RFWD3: variants seen among roughly 807,000 people sequenced by gnomAD.
RFWD3 encodes ring finger and WD repeat domain 3, also known as E3 ubiquitin-protein ligase RFWD3.
Under a neutral mutation model 87.7 loss-of-function variants are expected in RFWD3, and 65 were observed. The observed-to-expected ratio is 0.74, with a 90% CI of 0.61 to 0.91. The LOEUF (loss-of-function observed/expected upper bound fraction) is 0.91. RFWD3 is among the 40% of genes least tolerant of loss of function. RFWD3 has a pLI of 0.00. For missense variants in RFWD3, 1,078 were observed against 938.5 expected (o/e 1.15, Z -1.94); for synonymous variants, 433 against 352.8 (o/e 1.23, Z -2.55).
At chr16:74,637,037 T>G (rs1959214191) in intron 7 of RFWD3, among the ~76,000 whole-genome samples, 1 of 149,964 alleles carries the variant, frequency 6.7e-6, no homozygotes, top group Non-Finnish European at 1.5e-5. Context: ...TTTACAGTAT[T>G]TCAACAAGCA....
intron 2 of RFWD3, among the ~76,000 whole-genome samples, chr16:74,653,640 C>A (rs1960741615): frequency 6.6e-6 from 1 of 152,070 alleles, no homozygotes; most frequent in Non-Finnish European, 1.5e-5. Flanking sequence ...AAGTAAGACA[C>A]CATCTCTATT....
intron 8 of RFWD3, among the ~76,000 whole-genome samples, chr16:74,633,512 G>A (rs1275125425): frequency 6.6e-6 from 1 of 151,950 alleles, no homozygotes; most frequent in Middle Eastern, 3.2e-3. Context: ...CCAAAAAATG[G>A]TAACACTATA....
chr16:74,644,949 T>C (rs186991361), intron 4 of RFWD3, among the ~76,000 whole-genome samples: 1 of 152,318 alleles, frequency 6.6e-6, no homozygotes, highest in East Asian at 1.9e-4. Context: ...TTAAATCTTA[T>C]AAAATTCTTG....
intron 1 of RFWD3, 47 bp from the exon 2 acceptor site, chr16:74,661,498 A>C: frequency 7.0e-7 from 1 of 1,430,208 alleles, no homozygotes; most frequent in Non-Finnish European, 9.5e-7. Flanking sequence ...TAGATAAAAC[A>C]TGCTATGTAG....
chr16:74,653,269 A>G (rs1419700996), intron 2 of RFWD3, among the ~76,000 whole-genome samples: 1 of 151,956 alleles, frequency 6.6e-6, no homozygotes, highest in Non-Finnish European at 1.5e-5. Flanking sequence ...AGCCTGGGAG[A>G]TTGAGGCTGC....
intron 3 of RFWD3, 46 bp from the exon 4 acceptor site, chr16:74,649,248 T>G (rs769526949): frequency 1.4e-6 from 2 of 1,381,720 alleles, no homozygotes; most frequent in Non-Finnish European, 2.0e-6. Context: ...AAATACAAAA[T>G]AAGATATGTC....
Position 74,637,870 on chromosome 16 carries a change from G to C in RFWD3, c.1180C>G (p.Gln394Glu). ...GACAAACGTACCTGAACACGCCTTT[G>C]AAGCCTAGTGCACTTATCAGTGAGG... ...QVLTDKCTRL[Q>E]RRVQDLQKLT... Residue 394 changes from glutamine (Q) to glutamate (E), a missense_variant, in exon 7 of 13, where the codon CAA becomes GAA. Physicochemically the swap from Gln to Glu is conservative, Grantham distance 29 (BLOSUM62 2). Transcript: ENST00000361070. 1.9e-6 allele frequency: 3 copies of C among 1,612,358 alleles called. No homozygotes were observed. The highest frequency in any genetic ancestry group is 2.5e-6 in the Non-Finnish European group (3 of 1,179,370).
At position 74,632,580 on chromosome 16, in the gene RFWD3, CTGCT is replaced by C; in HGVS notation, c.1516_1519del (p.Ser506ValfsTer12). 1 of 1,614,140 alleles carries C rather than the reference CTGCT, an allele frequency of 6.2e-7. No homozygotes were observed. The highest frequency in any genetic ancestry group is 8.5e-7 in the Non-Finnish European group (1 of 1,180,008). On this transcript the variant is annotated frameshift_variant, in exon 9 of 13. Coordinates refer to ENST00000361070, the MANE Select transcript of RFWD3 (RefSeq NM_018124.4). LOFTEE classifies it high-confidence loss of function. ...AGAGAGTAGCAAGCCTCTGAGGTAA[CTGCT>C]AAACGCCAGTCCACGGATCTGTTTG...
At chr16:74,656,157 G>C (rs910323603) in intron 2 of RFWD3, among the ~76,000 whole-genome samples, 2 of 151,850 alleles carry the variant, frequency 1.3e-5, no homozygotes, top group Non-Finnish European at 2.9e-5. Flanking sequence ...AATTAGCTGG[G>C]TGTGGCGGCT....
intron 10 of RFWD3, 81 bp downstream of exon 10, chr16:74,630,700 C>A: frequency 3.2e-6 from 4 of 1,233,600 alleles, no homozygotes; most frequent in African/African-American, 1.6e-5. Flanking sequence ...AACTGTGGAA[C>A]ACCCACTGAA....
Position 74,623,618 on chromosome 16 carries a change from T to C in RFWD3, c.*310A>G. Reference sequence around the variant, plus strand: ...GATGATGAGAGGACACTCTCTAAGGTCCAGAAAGTCACACAGAAAATAAAG... The same window carrying C: ...GATGATGAGAGGACACTCTCTAAGGCCCAGAAAGTCACACAGAAAATAAAG... On this transcript the variant is annotated 3_prime_UTR_variant, in exon 13 of 13. Transcript: ENST00000361070. 4.1e-6 allele frequency: 1 copy of C among 243,008 alleles called. No individual in the cohort carries two copies. The highest frequency in any genetic ancestry group is 8.0e-6 in the Non-Finnish European group (1 of 125,258). The allele number at this position is 243,008 out of a possible 1,614,324, so 15.1% of individuals were successfully genotyped here.
chr16:74,636,664 T>A (rs1959203986), intron 7 of RFWD3, 87 bp from the exon 8 acceptor site: 3 of 1,003,618 alleles, frequency 3.0e-6, no homozygotes, highest in Non-Finnish European at 4.4e-6. Flanking sequence ...ACAGGAAGAT[T>A]TTTTATCCAT....
intron 8 of RFWD3, among the ~76,000 whole-genome samples, 175 bp downstream of exon 8, chr16:74,636,171 G>A (rs1238839548): frequency 6.6e-6 from 1 of 152,284 alleles, no homozygotes; most frequent in East Asian, 1.9e-4. Context: ...TTTACAGAAT[G>A]AAGTCAACAG....
At chr16:74,653,862 C>T (rs180685310) in intron 2 of RFWD3, among the ~76,000 whole-genome samples, 90 of 152,226 alleles carry the variant, frequency 5.9e-4, no homozygotes, top group Admixed American at 2.1e-3. Flanking sequence ...ACAAAATAAA[C>T]ACTACTCAGT....
intron 10 of RFWD3, among the ~76,000 whole-genome samples, chr16:74,630,206 C>T (rs1014678556): frequency 6.6e-6 from 1 of 152,200 alleles, no homozygotes; most frequent in African/African-American, 2.4e-5. Context: ...ATAGATTCTT[C>T]TGCCTCGGCC....
At chr16:74,628,305 T>G (rs1958993931) in intron 11 of RFWD3, 147 bp downstream of exon 11, 1 of 695,696 alleles carries the variant, frequency 1.4e-6, no homozygotes. Context: ...GGAGCCACCA[T>G]ACTCCCTGTA....
chr16:74,624,117 C>T (rs765595626), intron 12 of RFWD3, 46 bp from the exon 13 acceptor site: 9 of 1,588,240 alleles, frequency 5.7e-6, no homozygotes, highest in South Asian at 2.3e-5. Context: ...AGTCAGTACA[C>T]GAAGGGACTT....
At chr16:74,640,984 CCTT>C (rs894035804) in intron 6 of RFWD3, among the ~76,000 whole-genome samples, 5 of 151,836 alleles carry the variant, frequency 3.3e-5, no homozygotes, top group African/African-American at 9.7e-5. Flanking sequence ...AGAAATCTCT[CCTT>C]TTTTTTTAAA....
chr16:74,665,991 T>C (rs1038247123), intron 1 of RFWD3, among the ~76,000 whole-genome samples: 3 of 151,900 alleles, frequency 2.0e-5, no homozygotes, highest in Admixed American at 6.6e-5. Flanking sequence ...AGCCACCGCT[T>C]TTCTCTTTAT....
Sources: allele counts gnomAD v4.1 joint callset (sites outside exome capture counted in the v4.1 genomes callset), GRCh38; gene constraint gnomAD v4.1.1; transcripts MANE v1.5; gene names NCBI Gene and HGNC (gene_info 2026-07-23, HGNC 2026-07-21).